The following PPARGC1B variants were observed in gnomAD, a reference collection of about 807,000 sequenced individuals.
PPARGC1B encodes peroxisome proliferator-activated receptor gamma coactivator 1-beta.
A neutral mutation model predicts 101.6 loss-of-function variants in PPARGC1B; 34 were observed. That is an observed-to-expected ratio of 0.33 (90% CI 0.25 to 0.45). The LOEUF is 0.45. PPARGC1B is among the 20% of genes least tolerant of loss of function. PPARGC1B has a pLI of 1.00. For missense variants in PPARGC1B, 1,234 were observed against 1,317.6 expected (o/e 0.94, Z 0.98); for synonymous variants, 548 against 539.3 (o/e 1.02, Z -0.22).
At chr5:149,733,881 ATATT>A in intron 1 of PPARGC1B, among the ~76,000 whole-genome samples, 1 of 152,362 alleles carries the variant, frequency 6.6e-6, no homozygotes, top group East Asian at 1.9e-4. Context: ...TTATTTAAAA[ATATT>A]TAATTATAGA....
chr5:149,856,814 C>T (rs2113477839), downstream of PPARGC1B, among the ~76,000 whole-genome samples: 1 of 149,168 alleles, frequency 6.7e-6, no homozygotes, highest in Non-Finnish European at 1.5e-5. Flanking sequence ...TCTTGTTGCC[C>T]AGCTGGAGTG....
intron 2 of PPARGC1B, among the ~76,000 whole-genome samples, chr5:149,824,625 A>G (rs2113369554): frequency 6.6e-6 from 1 of 152,262 alleles, no homozygotes; most frequent in South Asian, 2.1e-4. Context: ...CTGAGGCCCA[A>G]GTTCCAGGAT....
chr5:149,802,847 T>G (rs1023013388), intron 1 of PPARGC1B, among the ~76,000 whole-genome samples: 1 of 152,034 alleles, frequency 6.6e-6, no homozygotes, highest in Non-Finnish European at 1.5e-5. Flanking sequence ...CTGGGATGAG[T>G]GTGAAGGGCT....
intron 2 of PPARGC1B, 128 bp from the exon 3 acceptor site, chr5:149,826,545 A>G: frequency 1.4e-6 from 1 of 707,754 alleles, no homozygotes; most frequent in African/African-American, 1.8e-5. Context: ...AGGGGAGGGT[A>G]TGGCAGGAGG....
intron 1 of PPARGC1B, among the ~76,000 whole-genome samples, chr5:149,808,146 C>T (rs1352551338): frequency 6.6e-6 from 1 of 152,194 alleles, no homozygotes; most frequent in Non-Finnish European, 1.5e-5. Context: ...CTCACCTTTA[C>T]TTAGAATTTT....
chr5:149,739,758 C>T (rs941719473), intron 1 of PPARGC1B, among the ~76,000 whole-genome samples: 1 of 152,184 alleles, frequency 6.6e-6, no homozygotes, highest in African/African-American at 2.4e-5. Context: ...GCATTTTCTT[C>T]CTACTCTTGT....
intron 2 of PPARGC1B, 95 bp downstream of exon 2, chr5:149,820,701 C>A: frequency 7.9e-7 from 1 of 1,263,198 alleles, no homozygotes; most frequent in Non-Finnish European, 1.1e-6. Context: ...CCTGCACTTG[C>A]TCATGCAGAG....
chr5:149,771,057 G>T (rs1342130644), intron 1 of PPARGC1B, among the ~76,000 whole-genome samples: 1 of 152,154 alleles, frequency 6.6e-6, no homozygotes, highest in Admixed American at 6.5e-5. Context: ...CAAACTTCAT[G>T]TTCTAGAACC....
At position 149,836,433 on chromosome 5, in the gene PPARGC1B, G is replaced by C. The variant is rs771469757; in HGVS notation, c.1978G>C (p.Glu660Gln). ...CCACAAGCTGCCAAAGAAGCACCCA[G>C]AGCGAAGTGAGCTCCTGTCCCACCT... ...AAHKLPKKHPERSELLSHLRH... is the reference protein window; with the variant it reads ...AAHKLPKKHPQRSELLSHLRH... Residue 660 changes from glutamate to glutamine, a missense_variant, in exon 8 of 12, where the codon GAG (glutamate) becomes CAG (glutamine). By Grantham distance (29) the Glu-to-Gln change is conservative. Around this residue, in one of 3 missense-constraint regions of PPARGC1B, gnomAD observed 497 missense variants for 529.5 expected, o/e 0.94. Transcript: ENST00000309241. 13 of 1,614,006 alleles carry C rather than the reference G, an allele frequency of 8.1e-6. No individual in the cohort carries two copies. The highest frequency in any genetic ancestry group is 5.3e-5 in the African/African-American group (4 of 74,928).
At chr5:149,804,543 A>G (rs983711954) in intron 1 of PPARGC1B, among the ~76,000 whole-genome samples, 2 of 152,190 alleles carry the variant, frequency 1.3e-5, no homozygotes, top group Non-Finnish European at 2.9e-5. Context: ...GTGGTGGAGC[A>G]TGCCTGTAGT....
chr5:149,781,620 G>A (rs1229728759), intron 1 of PPARGC1B, among the ~76,000 whole-genome samples: 4 of 152,204 alleles, frequency 2.6e-5, no homozygotes, highest in African/African-American at 9.6e-5. Context: ...TGGCCAGCAA[G>A]GTGGGGGAAA....
At chr5:149,855,097 G>A (rs923723482), downstream of PPARGC1B, 1 of 152,194 alleles carries the variant, frequency 6.6e-6, no homozygotes, top group African/African-American at 2.4e-5. Flanking sequence ...AAATGGGGAA[G>A]AGATTTCAGT....
intron 1 of PPARGC1B, chr5:149,771,947 C>T (rs1173300928): frequency 1.5e-5 from 19 of 1,249,184 alleles, no homozygotes; most frequent in African/African-American, 4.6e-5. Context: ...TTTACATTCT[C>T]ATTTTAATCC....
chr5:149,837,884 A>G lies in PPARGC1B; in HGVS notation c.2618+811A>G, dbSNP rs1209011515. Among the ~76,000 whole-genome samples, 1 of 152,062 alleles carries G rather than the reference A, an allele frequency of 6.6e-6. No homozygotes were observed. Among genetic ancestry groups the G allele is most frequent in the Non-Finnish European group, 1.5e-5 (1 of 68,004 alleles). ...CCACTAGATGCTGCTCTTGGGCTAG[A>G]GCCCAGCTGCCGAATCCGCTGCAGG... is the stretch of plus-strand genomic sequence containing the variant. On this transcript the variant is annotated intron_variant, in intron 8 of 11. Transcript: ENST00000309241. This position sits in a 1 kb window ranked among gnomAD's most constrained non-coding sequence, Gnocchi z 4.2.
intron 1 of PPARGC1B, among the ~76,000 whole-genome samples, chr5:149,762,001 C>T (rs932060705): frequency 1.3e-5 from 2 of 152,168 alleles, no homozygotes; most frequent in Non-Finnish European, 2.9e-5. Flanking sequence ...CTATCCTTTG[C>T]TGTTCCCTCC....
intron 1 of PPARGC1B, among the ~76,000 whole-genome samples, chr5:149,806,180 C>T (rs1757591007): frequency 6.6e-6 from 1 of 152,190 alleles, no homozygotes; most frequent in Admixed American, 6.5e-5. Context: ...CTGAGGGTCC[C>T]CTGTCTGTTC....
chr5:149,752,937 C>A (rs1755371710), intron 1 of PPARGC1B, among the ~76,000 whole-genome samples: 1 of 152,198 alleles, frequency 6.6e-6, no homozygotes, highest in Non-Finnish European at 1.5e-5. Context: ...GTGTTTCCAT[C>A]CCCAGAGCAA....
chr5:149,845,646 C>T (rs1759519222), intron 10 of PPARGC1B, 114 bp from the exon 11 acceptor site: 10 of 1,122,876 alleles, frequency 8.9e-6, no homozygotes, highest in Middle Eastern at 3.1e-4. Flanking sequence ...TAGGGGGCCA[C>T]GTGATGTGGG....
intron 1 of PPARGC1B, among the ~76,000 whole-genome samples, chr5:149,781,598 C>T (rs1340718590): frequency 1.3e-5 from 2 of 152,220 alleles, no homozygotes; most frequent in African/African-American, 4.8e-5. Context: ...TGCCATCATG[C>T]TGCCGTTTGA....
Sources: gnomAD v4.1 joint callset for allele counts (sites outside exome capture counted in the v4.1 genomes callset) on GRCh38, gnomAD v4.1.1 for gene constraint, gnomAD v4.1.1 regional missense constraint, Gnocchi (gnomAD v3.1) non-coding constraint, MANE v1.5 for transcripts, NCBI Gene and HGNC (gene_info 2026-07-23, HGNC 2026-07-21) for gene names.